Variants in SMC6 observed in about 807,000 individuals in gnomAD.
The protein encoded by SMC6 is structural maintenance of chromosomes 6.
Under a neutral mutation model 142.2 loss-of-function variants are expected in SMC6, and 79 were observed. That is an observed-to-expected ratio of 0.56 (90% CI 0.46 to 0.67). The LOEUF (loss-of-function observed/expected upper bound fraction) is 0.67, where lower values mean the gene tolerates loss of function less well. Among genes scored for constraint, SMC6 ranks in the 30% least tolerant of loss-of-function variants. SMC6 has a pLI of 0.00. For synonymous variants in SMC6, 411 were observed against 412.4 expected (o/e 1.00, Z 0.04); for missense variants, 1,072 against 1,284.0 (o/e 0.83, Z 2.52).
At chr2:17,667,325 C>T (rs1286540367) in intron 26 of SMC6, among the ~76,000 whole-genome samples, 1 of 152,154 alleles carries the variant, frequency 6.6e-6, no homozygotes, top group Admixed American at 6.5e-5. Flanking sequence ...AACTTACAGA[C>T]CAATTTCTCA....
chr2:17,723,165 C>T (rs540158749), intron 9 of SMC6, among the ~76,000 whole-genome samples: 169 of 152,272 alleles, frequency 1.1e-3, no homozygotes, highest in Non-Finnish European at 7.4e-5. Flanking sequence ...TCCACTACAA[C>T]ATCTGCCTAG....
intron 26 of SMC6, among the ~76,000 whole-genome samples, 177 bp downstream of exon 26, chr2:17,670,246 G>C (rs941367364): frequency 1.3e-5 from 2 of 152,176 alleles, no homozygotes; most frequent in African/African-American, 4.8e-5. Flanking sequence ...TGTGTGCCTA[G>C]AAGCAAGGGA....
At chr2:17,714,394 T>C (rs1242025145) in intron 16 of SMC6, among the ~76,000 whole-genome samples, 4 of 152,162 alleles carry the variant, frequency 2.6e-5, no homozygotes, top group Admixed American at 6.5e-5. Context: ...GTGCCTGGCC[T>C]ACATTCATTT....
chr2:17,713,480 C>T (rs567068203), intron 16 of SMC6: 3 of 470,992 alleles, frequency 6.4e-6, no homozygotes, highest in African/African-American at 2.0e-5. Context: ...CTGGGACACA[C>T]AATGTGCCAG....
intron 24 of SMC6, among the ~76,000 whole-genome samples, chr2:17,683,014 G>A (rs545722642): frequency 5.6e-4 from 85 of 152,020 alleles, no homozygotes; most frequent in African/African-American, 1.4e-3. Flanking sequence ...GGGCTGTCTC[G>A]GATTCATGTA....
intron 3 of SMC6, 99 bp downstream of exon 3, chr2:17,745,728 T>C (rs1338511132): frequency 2.3e-6 from 3 of 1,277,394 alleles, no homozygotes; most frequent in Admixed American, 2.9e-5. Context: ...TAAAAAATCA[T>C]ATTACTTTTT....
At position 17,695,312 on chromosome 2, in the gene SMC6, GT is replaced by G; in HGVS notation, c.2533-16del. 1 of 1,606,310 alleles carries G rather than the reference GT, an allele frequency of 6.2e-7. No homozygotes were observed. Among genetic ancestry groups the G allele is most frequent in the Non-Finnish European group, 8.5e-7 (1 of 1,177,910 alleles). On this transcript the variant is annotated splice_polypyrimidine_tract_variant and intron_variant, in intron 22 of 27. Transcript: ENST00000448223. ...GACATTTTCTCCTAAGAAAGTAGAT[GT>G]TTATATCTTTAAAACTCTTCTTTGA...
chr2:17,721,855 C>T (rs905215037), intron 9 of SMC6, among the ~76,000 whole-genome samples: 23 of 152,028 alleles, frequency 1.5e-4, no homozygotes, highest in African/African-American at 5.3e-4. Context: ...ACCACCACAC[C>T]CAGCTAATTT....
intron 16 of SMC6, among the ~76,000 whole-genome samples, chr2:17,711,302 A>G (rs754821719): frequency 5.9e-5 from 9 of 152,194 alleles, no homozygotes; most frequent in Non-Finnish European, 1.0e-4. Context: ...ATATTAGTCT[A>G]GCAGAGCCAA....
intron 3 of SMC6, 35 bp downstream of exon 3, chr2:17,745,790 CAT>C: frequency 1.9e-6 from 3 of 1,553,074 alleles, no homozygotes; most frequent in Non-Finnish European, 2.6e-6. Flanking sequence ...ACAAGAAAAA[CAT>C]ATCAAAAAGC....
At chr2:17,710,589 G>A (rs537466085) in intron 16 of SMC6, among the ~76,000 whole-genome samples, 3 of 152,166 alleles carry the variant, frequency 2.0e-5, no homozygotes, top group Admixed American at 2.0e-4. Flanking sequence ...TACCAAAAAC[G>A]AACACCTAGA....
chr2:17,736,519 C>T (rs753733428), intron 5 of SMC6, among the ~76,000 whole-genome samples: 5 of 151,994 alleles, frequency 3.3e-5, no homozygotes, highest in South Asian at 2.1e-4. Flanking sequence ...GAAAATTCAA[C>T]GTGCTATCTG....
At chr2:17,701,761 G>T in intron 20 of SMC6, 68 bp downstream of exon 20, 1 of 907,304 alleles carries the variant, frequency 1.1e-6, no homozygotes, top group South Asian at 1.6e-5. Context: ...AAGCTGAGTT[G>T]ATGCCATTAA....
intron 16 of SMC6, among the ~76,000 whole-genome samples, chr2:17,710,183 TAG>T (rs1252367040): frequency 6.6e-6 from 1 of 152,222 alleles, no homozygotes; most frequent in Non-Finnish European, 1.5e-5. Flanking sequence ...CGTGAGCCAG[TAG>T]AGTCACCACA....
chr2:17,684,662 A>C (rs1667370346), intron 23 of SMC6, among the ~76,000 whole-genome samples: 1 of 152,104 alleles, frequency 6.6e-6, no homozygotes, highest in Admixed American at 6.6e-5. Flanking sequence ...TGTTTCTACA[A>C]ATAATAAAAT....
At chr2:17,726,574 GC>G in intron 7 of SMC6, 105 bp from the exon 8 acceptor site, 4 of 803,896 alleles carry the variant, frequency 5.0e-6, no homozygotes, top group Non-Finnish European at 7.9e-6. Flanking sequence ...CATCAGGAAG[GC>G]CAAGCAATAG....
intron 24 of SMC6, chr2:17,682,004 A>T (rs1289220784): frequency 6.6e-6 from 1 of 152,208 alleles, no homozygotes; most frequent in Non-Finnish European, 1.5e-5. Context: ...AACCTTTTAA[A>T]TACAAATTTC....
At position 17,745,844 on chromosome 2, in the gene SMC6, A is replaced by G; in HGVS notation, c.103T>C (p.Cys35Arg). The G allele has an allele frequency of 6.2e-7, 1 of 1,611,346 alleles. No homozygotes were observed. Among genetic ancestry groups the G allele is most frequent in the African/African-American group, 1.3e-5 (1 of 74,950 alleles). Residue 35 changes from cysteine (C) to arginine (R), a missense_variant, in exon 3 of 28, where the codon TGT becomes CGT. By Grantham distance (180) the Cys-to-Arg change is radical (BLOSUM62 -3). Coordinates refer to ENST00000448223, the MANE Select transcript of SMC6 (RefSeq NM_001142286.2). ...DFDKDGDEDE[C>R]KGTTLTAAEV... Reference sequence around the variant, plus strand: ...TCGCTTACCAAAGTAGTACCTTTACATTCGTCTTCGTCACCATCTTTATCA... The same window carrying G: ...TCGCTTACCAAAGTAGTACCTTTACGTTCGTCTTCGTCACCATCTTTATCA...
At chr2:17,723,865 G>T (rs1225695709) in intron 9 of SMC6, among the ~76,000 whole-genome samples, 1 of 152,102 alleles carries the variant, frequency 6.6e-6, no homozygotes, top group Non-Finnish European at 1.5e-5. Context: ...ATTTCTTAAA[G>T]ATTTAATTAT....
Sources: allele counts gnomAD v4.1 joint callset (sites outside exome capture counted in the v4.1 genomes callset), GRCh38; gene constraint gnomAD v4.1.1; transcripts MANE v1.5; gene names NCBI Gene and HGNC (gene_info 2026-07-23, HGNC 2026-07-21).